PDE4D: variants seen among roughly 807,000 people sequenced by gnomAD.
PDE4D encodes the protein phosphodiesterase 4D.
Under a neutral mutation model 87.4 loss-of-function variants are expected in PDE4D, and 24 were observed. The ratio of observed to expected loss-of-function variants is 0.27; its 90% CI spans 0.20 to 0.39. The LOEUF (loss-of-function observed/expected upper bound fraction) is 0.39, where lower values mean the gene tolerates loss of function less well. Among genes scored for constraint, PDE4D ranks in the 10% least tolerant of loss-of-function variants. The probability of loss-of-function intolerance (pLI) is 1.00; values close to 1 mark genes in which losing one functional copy is unlikely to be tolerated. For synonymous variants in PDE4D, 384 were observed against 383.2 expected (o/e 1.00, Z -0.02); for missense variants, 714 against 1,041.0 (o/e 0.69, Z 4.32).
chr5:59,830,025 A>T lies in PDE4D; in HGVS notation c.455+63143T>A, dbSNP rs185459020. Among the ~76,000 whole-genome samples, 345 of 152,208 alleles carry T rather than the reference A, an allele frequency of 2.3e-3. 1 individual carries two copies. The highest frequency in any genetic ancestry group is 3.3e-3 in the Non-Finnish European group (222 of 67,976). ...ATGCTCAGTGTCACACTGTTACTGC[A>T]TGCTTGTCCCTATTTAGTTACCAGA... On this transcript the variant is annotated intron_variant, in intron 1 of 14. Coordinates refer to ENST00000340635, the MANE Select transcript of PDE4D (RefSeq NM_001104631.2).
intron 1 of PDE4D, among the ~76,000 whole-genome samples, chr5:60,474,132 A>ATATATATATATATT (rs1748109446): frequency 9.7e-6 from 1 of 103,500 alleles, no homozygotes; most frequent in Admixed American, 9.2e-5. Context: ...ATATATATAT[A>ATATATATATATATT]TATATATATA....
chr5:60,422,030 AAT>A (rs1244374077), intron 1 of PDE4D, among the ~76,000 whole-genome samples: 1 of 152,226 alleles, frequency 6.6e-6, no homozygotes, highest in African/African-American at 2.4e-5. Flanking sequence ...GCCTCCAAGA[AAT>A]ATGGGACTAT....
intron 5 of PDE4D, among the ~76,000 whole-genome samples, chr5:59,128,631 T>G (rs1775846071): frequency 6.6e-6 from 1 of 152,222 alleles, no homozygotes; most frequent in Non-Finnish European, 1.5e-5. Context: ...GATGGAATGA[T>G]ACATGTCTAG....
chr5:59,559,390 G>A lies in PDE4D; in HGVS notation c.455+333778C>T, dbSNP rs1053941333. Among the ~76,000 whole-genome samples the A allele has an allele frequency of 2.0e-5, 3 of 152,070 alleles. No homozygotes were observed. In the East Asian group the frequency reaches 5.8e-4, roughly 29 times the overall value. On this transcript the variant is annotated intron_variant, in intron 1 of 14. Transcript: ENST00000340635. ...TAATTTGGGACCCACTGGTATGTGGGATTCATTACAATGTTCTTCAAAATT... is the reference window on the plus strand; with the variant it reads ...TAATTTGGGACCCACTGGTATGTGGAATTCATTACAATGTTCTTCAAAATT...
At chr5:59,451,489 C>T (rs1799145017) in intron 1 of PDE4D, among the ~76,000 whole-genome samples, 1 of 152,214 alleles carries the variant, frequency 6.6e-6, no homozygotes, top group Admixed American at 6.5e-5. Context: ...GGATAACCGA[C>T]ATATACCTGA....
intron 2 of PDE4D, among the ~76,000 whole-genome samples, chr5:60,141,084 T>C (rs992385068): frequency 1.3e-5 from 2 of 152,168 alleles, no homozygotes; most frequent in Admixed American, 6.6e-5. Flanking sequence ...CGTGTGTCTC[T>C]TTGGATATCA....
intron 2 of PDE4D, among the ~76,000 whole-genome samples, chr5:60,094,588 CTTTTTTTTTTTTT>C (rs3087200): frequency 3.4e-5 from 2 of 58,200 alleles, no homozygotes; most frequent in African/African-American, 1.3e-4. Context: ...GAGTGACATG[CTTTTTTTTTTTTT>C]TTTTTTTTTT....
intron 1 of PDE4D, among the ~76,000 whole-genome samples, chr5:60,338,625 C>A (rs1286197872): frequency 6.6e-6 from 1 of 152,078 alleles, no homozygotes; most frequent in Non-Finnish European, 1.5e-5. Flanking sequence ...CCCTTAGTAG[C>A]CGTCTCTTTG....
At position 60,400,062 on chromosome 5, in the gene PDE4D, G is replaced by T. The variant is rs1317647822; in HGVS notation, c.-90+87880C>A. On this transcript the variant is annotated intron_variant, in intron 1 of 16. Coordinates refer to the PDE4D transcript ENST00000502484. Reference sequence around the variant, plus strand: ...CACTAAATTCACATCAGCATCTGAGGCTTATCCTACCTTTGGATCTGGAAA... The same window carrying T: ...CACTAAATTCACATCAGCATCTGAGTCTTATCCTACCTTTGGATCTGGAAA... Among the ~76,000 whole-genome samples the T allele has an allele frequency of 2.0e-5, 3 of 152,174 alleles. No homozygotes were observed. The East Asian group carries it at 5.8e-4, about 29-fold the overall frequency.
intron 5 of PDE4D, among the ~76,000 whole-genome samples, chr5:59,047,581 C>T (rs1760898866): frequency 6.6e-6 from 1 of 152,020 alleles, no homozygotes; most frequent in African/African-American, 2.4e-5. Context: ...AGGTTGGTGA[C>T]CAGATAAGGA....
At chr5:59,275,764 A>G in intron 1 of PDE4D, 2 of 1,002,060 alleles carry the variant, frequency 2.0e-6, no homozygotes, top group Non-Finnish European at 2.4e-6. Context: ...TTGCAATTCC[A>G]TAGTAACAGC....
chr5:60,304,104 T>A (rs540234946), intron 1 of PDE4D: 99 of 152,342 alleles, frequency 6.5e-4, no homozygotes, highest in African/African-American at 2.3e-3. Context: ...GTCATGCTAA[T>A]CTTCTCTGTG....
At chr5:59,125,120 C>T (rs1265300121) in intron 5 of PDE4D, 2 of 199,620 alleles carry the variant, frequency 1.0e-5, no homozygotes, top group African/African-American at 4.7e-5. Context: ...AACCACAGTG[C>T]TCTCAATGCT....
At chr5:60,038,521 A>G (rs1768080247) in intron 2 of PDE4D, among the ~76,000 whole-genome samples, 1 of 152,086 alleles carries the variant, frequency 6.6e-6, no homozygotes, top group Non-Finnish European at 1.5e-5. Flanking sequence ...TGTTTTGGTT[A>G]CTGTAGCCTT....
intron 5 of PDE4D, among the ~76,000 whole-genome samples, chr5:59,157,999 T>C (rs1185207565): frequency 6.6e-6 from 1 of 152,206 alleles, no homozygotes; most frequent in Non-Finnish European, 1.5e-5. Context: ...TGGCTCTCCA[T>C]TGGGCTCTTC....
At chr5:60,282,321 A>G (rs1752021163) in intron 1 of PDE4D, among the ~76,000 whole-genome samples, 1 of 151,482 alleles carries the variant, frequency 6.6e-6, no homozygotes, top group Non-Finnish European at 1.5e-5. Context: ...GGAATATGCT[A>G]CATTTGATCA....
At chr5:59,003,456 T>A (rs1415191098) in intron 6 of PDE4D, among the ~76,000 whole-genome samples, 2 of 152,352 alleles carry the variant, frequency 1.3e-5, no homozygotes, top group Admixed American at 1.3e-4. Flanking sequence ...CTCAGTCAGA[T>A]TTAAATCATT....
At chr5:59,597,945 C>T (rs535062139) in intron 1 of PDE4D, among the ~76,000 whole-genome samples, 23 of 152,176 alleles carry the variant, frequency 1.5e-4, no homozygotes, top group African/African-American at 5.5e-4. Flanking sequence ...ACTCGCCTAC[C>T]TCTCTCTATA....
chr5:59,523,765 G>A (rs189949220), intron 1 of PDE4D, among the ~76,000 whole-genome samples: 60 of 152,226 alleles, frequency 3.9e-4, no homozygotes, highest in Non-Finnish European at 8.8e-5. Flanking sequence ...CACGTTTTGG[G>A]GGAAAGTCCT....
Sources: allele counts gnomAD v4.1 joint callset (sites outside exome capture counted in the v4.1 genomes callset), GRCh38; gene constraint gnomAD v4.1.1; transcripts MANE v1.5; gene names NCBI Gene and HGNC (gene_info 2026-07-23, HGNC 2026-07-21).